GARNL3: variants seen among roughly 807,000 people sequenced by gnomAD.
The protein encoded by GARNL3 is GTPase-activating Rap/Ran-GAP domain-like protein 3.
Under a neutral mutation model 125.0 loss-of-function variants are expected in GARNL3, and 63 were observed. That is an observed-to-expected ratio of 0.50 (90% CI 0.41 to 0.62). The LOEUF (loss-of-function observed/expected upper bound fraction) is 0.62. Among genes scored for constraint, GARNL3 ranks in the 20% least tolerant of loss-of-function variants. The pLI, the probability that GARNL3 is intolerant of heterozygous loss-of-function variation, is 0.00. For synonymous variants in GARNL3, 439 were observed against 457.5 expected, an observed-to-expected ratio of 0.96 and a Z score of 0.52; for missense variants, 994 against 1,244.0, an observed-to-expected ratio of 0.80 and a Z score of 3.02.
intron 1 of GARNL3, among the ~76,000 whole-genome samples, chr9:127,278,765 C>T (rs2064024770): frequency 6.6e-6 from 1 of 152,170 alleles, no homozygotes; most frequent in Non-Finnish European, 1.5e-5. Context: ...GCAGGGCCAT[C>T]CTCCCTCTGA....
intron 2 of GARNL3, among the ~76,000 whole-genome samples, chr9:127,257,774 G>C (rs1231102805): frequency 6.6e-6 from 1 of 152,218 alleles, no homozygotes; most frequent in Non-Finnish European, 1.5e-5. Context: ...GAACCCACCT[G>C]TGTTCAAGTA....
chr9:127,225,543 C>A, intron 1 of GARNL3: 1 of 233,754 alleles, frequency 4.3e-6, no homozygotes, highest in Non-Finnish European at 7.0e-6. Flanking sequence ...GGAGCCCGGG[C>A]TGAACGGCCG....
intron 22 of GARNL3, among the ~76,000 whole-genome samples, chr9:127,369,990 G>A (rs550540801): frequency 2.0e-5 from 3 of 152,300 alleles, no homozygotes; most frequent in African/African-American, 7.2e-5. Context: ...ACAGGCAGCC[G>A]TGGCAGTGGT....
intron 27 of GARNL3, 29 bp downstream of exon 27, chr9:127,390,796 G>T: frequency 6.2e-7 from 1 of 1,606,216 alleles, no homozygotes; most frequent in Non-Finnish European, 8.5e-7. Flanking sequence ...CCCTGCTTGG[G>T]GTGGTGGACC....
At chr9:127,320,806 T>G in intron 6 of GARNL3, 28 bp downstream of exon 6, 1 of 1,417,964 alleles carries the variant, frequency 7.1e-7, no homozygotes, top group Non-Finnish European at 1.0e-6. Flanking sequence ...GCTTCATAAT[T>G]GTACAAAATT....
chr9:127,291,087 G>A (rs955032568), intron 1 of GARNL3, 81 bp from the exon 2 acceptor site: 72 of 1,419,194 alleles, frequency 5.1e-5, no homozygotes, highest in Non-Finnish European at 6.7e-5. Context: ...GTCCTTAGAT[G>A]TGGCTTACTT....
chr9:127,334,565 G>A (rs554389246), intron 9 of GARNL3, among the ~76,000 whole-genome samples: 1 of 152,284 alleles, frequency 6.6e-6, no homozygotes, highest in East Asian at 1.9e-4. Flanking sequence ...TTCAATGCCT[G>A]CCTCTCATAC....
chr9:127,284,223 T>A (rs998105343), intron 1 of GARNL3, among the ~76,000 whole-genome samples: 2 of 152,222 alleles, frequency 1.3e-5, no homozygotes, highest in Admixed American at 6.5e-5. Flanking sequence ...TCAGATTTCT[T>A]TCTTAAAATA....
chr9:127,303,998 A>C (rs2064875807), intron 2 of GARNL3, among the ~76,000 whole-genome samples: 1 of 152,164 alleles, frequency 6.6e-6, no homozygotes, highest in Non-Finnish European at 1.5e-5. Flanking sequence ...GAGCAACTTG[A>C]GTTCATTTCC....
intron 5 of GARNL3, among the ~76,000 whole-genome samples, chr9:127,319,063 G>A (rs955636149): frequency 1.3e-5 from 2 of 152,184 alleles, no homozygotes; most frequent in African/African-American, 4.8e-5. Flanking sequence ...TTCGTCTGCA[G>A]CTACATGGTG....
chr9:127,342,292 G>A lies in GARNL3; in HGVS notation c.1209G>A (p.Leu403=). The change falls in exon 14 of 28, where the codon TTG becomes TTA. Residue 403 remains leucine (L), a synonymous_variant. Coordinates refer to ENST00000373387, the MANE Select transcript of GARNL3 (RefSeq NM_032293.5). ...AACGTCGGCGTACCCTGGATATGTTGATTAGATCTTTACACCAGGATTTGA... is the reference window on the plus strand; with the variant it reads ...AACGTCGGCGTACCCTGGATATGTTAATTAGATCTTTACACCAGGATTTGA... ...AQKRRRTLDM[L]IRSLHQDLMP... The A allele has an allele frequency of 6.2e-7, 1 of 1,613,976 alleles. No homozygotes were observed. The highest frequency in any genetic ancestry group is 1.3e-5 in the African/African-American group (1 of 75,040).
intron 2 of GARNL3, among the ~76,000 whole-genome samples, chr9:127,307,185 C>T (rs1206053947): frequency 2.0e-5 from 3 of 152,118 alleles, no homozygotes; most frequent in East Asian, 1.9e-4. Context: ...GTTTATGCCC[C>T]GCTCTCTGTG....
At chr9:127,265,872 C>A (rs1004513171) in intron 1 of GARNL3, among the ~76,000 whole-genome samples, 1 of 152,076 alleles carries the variant, frequency 6.6e-6, no homozygotes, top group Admixed American at 6.5e-5. Flanking sequence ...AAATTTATAG[C>A]GGAGTTGTGT....
chr9:127,233,923 T>G (rs919141597), intron 1 of GARNL3, among the ~76,000 whole-genome samples: 1 of 152,228 alleles, frequency 6.6e-6, no homozygotes, highest in Non-Finnish European at 1.5e-5. Flanking sequence ...CAGACTTTCT[T>G]TTTTTCAGGT....
intron 2 of GARNL3, among the ~76,000 whole-genome samples, chr9:127,302,569 T>G (rs982879791): frequency 6.0e-4 from 92 of 152,260 alleles, no homozygotes; most frequent in African/African-American, 2.2e-3. Flanking sequence ...TTGTTTAATA[T>G]CATGCCATTT....
At chr9:127,333,230 A>C (rs1829363694) in intron 9 of GARNL3, 109 bp downstream of exon 9, 3 of 824,866 alleles carry the variant, frequency 3.6e-6, no homozygotes, top group Non-Finnish European at 6.0e-6. Flanking sequence ...GGATGAGAGA[A>C]GACTGGAGGG....
rs1364463515 is a variant in GARNL3, at chr9:127,388,671, C to T, written c.2528-233C>T. ...TTCTTGTCTAGTCTTTTTTCCTGTGCAGTCACGAGTGCATTTTACCTAATT... is the reference window on the plus strand; with the variant it reads ...TTCTTGTCTAGTCTTTTTTCCTGTGTAGTCACGAGTGCATTTTACCTAATT... On this transcript the variant is annotated intron_variant, in intron 25 of 27. Coordinates refer to ENST00000373387, the MANE Select transcript of GARNL3 (RefSeq NM_032293.5). 3.6e-6 allele frequency: 2 copies of T among 552,100 alleles called. 1 individual carries two copies. Among genetic ancestry groups the T allele is most frequent in the Non-Finnish European group, 6.5e-6 (2 of 309,198 alleles). The allele number at this position is 552,100 out of a possible 1,614,324, so 34.2% of individuals were successfully genotyped here.
intron 2 of GARNL3, among the ~76,000 whole-genome samples, chr9:127,250,738 A>C (rs900642462): frequency 6.6e-6 from 1 of 152,184 alleles, no homozygotes; most frequent in Non-Finnish European, 1.5e-5. Flanking sequence ...GTGGATCTTC[A>C]TCATTCAAGG....
chr9:127,269,599 T>C (rs2131284820), intron 1 of GARNL3, among the ~76,000 whole-genome samples: 1 of 152,332 alleles, frequency 6.6e-6, no homozygotes, highest in African/African-American at 2.4e-5. Context: ...ATTTTTAAAA[T>C]AATAGTCATT....
Sources: gnomAD v4.1 joint callset for allele counts (sites outside exome capture counted in the v4.1 genomes callset) on GRCh38, gnomAD v4.1.1 for gene constraint, MANE v1.5 for transcripts, NCBI Gene and HGNC (gene_info 2026-07-23, HGNC 2026-07-21) for gene names.